Variants in DNAH5 observed in about 807,000 individuals in gnomAD.
The protein encoded by DNAH5 is axonemal beta dynein heavy chain 5.
Under a neutral mutation model 518.2 loss-of-function variants are expected in DNAH5, and 372 were observed. That is an observed-to-expected ratio of 0.72 (90% confidence interval 0.66 to 0.78). The LOEUF is 0.78. Ranked by LOEUF, DNAH5 falls within the 30% of genes least tolerant of loss-of-function variation. The pLI, the probability that DNAH5 is intolerant of heterozygous loss-of-function variation, is 0.00. For synonymous variants in DNAH5, 2,039 were observed against 2,025.9 expected (o/e 1.01, Z -0.17); for missense variants, 5,523 against 5,687.0 (o/e 0.97, Z 0.93).
intron 55 of DNAH5, among the ~76,000 whole-genome samples, chr5:13,773,476 G>A (rs1254419997): frequency 6.6e-6 from 1 of 152,106 alleles, no homozygotes; most frequent in Non-Finnish European, 1.5e-5. Flanking sequence ...TATATCCAAA[G>A]TTGAACTAGA....
At chr5:13,858,300 C>T (rs1288172214) in intron 30 of DNAH5, among the ~76,000 whole-genome samples, 1 of 152,114 alleles carries the variant, frequency 6.6e-6, no homozygotes, top group Non-Finnish European at 1.5e-5. Flanking sequence ...CCATCATTCT[C>T]AGAAAACTAG....
At chr5:13,862,260 A>T (rs1580639410) in intron 29 of DNAH5, among the ~76,000 whole-genome samples, 1 of 152,184 alleles carries the variant, frequency 6.6e-6, no homozygotes, top group African/African-American at 2.4e-5. Flanking sequence ...CCACAAATAG[A>T]GGATAATGAA....
chr5:13,782,984 G>A (rs1024361986), intron 52 of DNAH5, among the ~76,000 whole-genome samples: 2 of 152,200 alleles, frequency 1.3e-5, no homozygotes, highest in African/African-American at 4.8e-5. Flanking sequence ...ACAGGGGACA[G>A]AGGCTGGGGT....
chr5:13,721,526 C>T (rs577495596), intron 70 of DNAH5, among the ~76,000 whole-genome samples: 21 of 152,234 alleles, frequency 1.4e-4, no homozygotes, highest in African/African-American at 4.8e-4. Context: ...CTGCTTGCTT[C>T]CTGCTAGACC....
At chr5:13,704,284 C>G (rs1460739842) in intron 76 of DNAH5, among the ~76,000 whole-genome samples, 1 of 142,784 alleles carries the variant, frequency 7.0e-6, no homozygotes, top group Non-Finnish European at 1.5e-5. Context: ...GGACCACACA[C>G]TCTCTTCTGC....
At position 13,739,084 on chromosome 5, in the gene DNAH5, G is replaced by A. The variant is rs367561385; in HGVS notation, c.11212-1589C>T. ...GTTTGACAGTTCTGACTGGACTCAC[G>A]GCAGCTACCTGAACGTATGGTACCA... On this transcript the variant is annotated intron_variant, in intron 65 of 78. Coordinates refer to ENST00000265104, the MANE Select transcript of DNAH5 (RefSeq NM_001369.3). Among the ~76,000 whole-genome samples the A allele has an allele frequency of 2.4e-4, 37 of 152,104 alleles. No individual in the cohort carries two copies. In the East Asian group the frequency reaches 3.5e-3, roughly 14 times the overall value.
chr5:13,766,404 A>G (rs1238791246), intron 58 of DNAH5, among the ~76,000 whole-genome samples: 1 of 152,238 alleles, frequency 6.6e-6, no homozygotes, highest in Non-Finnish European at 1.5e-5. Flanking sequence ...AATGTTGGCG[A>G]GCAGATAAGG....
At chr5:13,876,926 T>A in intron 21 of DNAH5, 109 bp from the exon 22 acceptor site, 1 of 1,122,544 alleles carries the variant, frequency 8.9e-7, no homozygotes, top group Non-Finnish European at 1.3e-6. Context: ...GAAAATCTTC[T>A]CCTTTATAAA....
intron 57 of DNAH5, 26 bp downstream of exon 57, chr5:13,769,475 T>G (rs1275455725): frequency 5.8e-6 from 9 of 1,564,292 alleles, no homozygotes; most frequent in African/African-American, 1.4e-5. Flanking sequence ...AAAAGGAATG[T>G]GGCACATGTG....
At chr5:14,010,176 A>C (rs1209270537) in intron 1 of DNAH5, among the ~76,000 whole-genome samples, 1 of 152,144 alleles carries the variant, frequency 6.6e-6, no homozygotes, top group East Asian at 1.9e-4. Flanking sequence ...AATGTTTTCT[A>C]GTAACACTTG....
chr5:13,998,016 G>T (rs1394628936), intron 1 of DNAH5, among the ~76,000 whole-genome samples: 2 of 151,940 alleles, frequency 1.3e-5, no homozygotes, highest in Non-Finnish European at 2.9e-5. Context: ...GCTAATTTTT[G>T]TATCTTTAGT....
intron 1 of DNAH5, among the ~76,000 whole-genome samples, chr5:14,011,557 G>C (rs965753190): frequency 6.6e-6 from 1 of 152,108 alleles, no homozygotes; most frequent in Non-Finnish European, 1.5e-5. Context: ...CCAACCCCGC[G>C]AGCCAGGGAA....
In DNAH5 at chr5:13,769,142, T is replaced by A; in HGVS notation, c.9721-6A>T. On this transcript the variant is annotated splice_region_variant and splice_polypyrimidine_tract_variant and intron_variant, in intron 57 of 78. Transcript: ENST00000265104. ...ATTGTCACTTCTTTTAAGACCTAATTCAATATAAAGCAAGCAATACTTCAC... is the reference window on the plus strand; with the variant it reads ...ATTGTCACTTCTTTTAAGACCTAATACAATATAAAGCAAGCAATACTTCAC... 1.2e-6 allele frequency: 2 copies of A among 1,614,002 alleles called. No homozygotes were observed. Among genetic ancestry groups the A allele is most frequent in the Non-Finnish European group, 1.7e-6 (2 of 1,179,914 alleles).
chr5:13,771,257 G>T, intron 55 of DNAH5: 1 of 440,722 alleles, frequency 2.3e-6, no homozygotes, highest in Non-Finnish European at 4.2e-6. Context: ...CACAGCTGCA[G>T]GTTCTGGTCA....
Position 13,901,545 on chromosome 5 carries a change from C to A in DNAH5, c.1759G>T (p.Asp587Tyr). Residue 587 changes from aspartate (D) to tyrosine (Y), a missense_variant, in exon 14 of 79, where the codon GAC becomes TAC. This residue lies in a region of DNAH5 where 5,121 missense variants were observed against 5,223.3 expected (regional missense o/e 0.98). Coordinates refer to ENST00000265104, the MANE Select transcript of DNAH5 (RefSeq NM_001369.3). ...TTCTCAAGGATAAGTTGATATTTGT[C>A]ATCAATACCAAGATTAGGTATATTC... ...RLNIPNLGID[D>Y]KYQLILENYG... 1 of 1,612,984 alleles carries A rather than the reference C, an allele frequency of 6.2e-7. No individual in the cohort carries two copies. The highest frequency in any genetic ancestry group is 1.1e-5 in the South Asian group (1 of 91,022).
chr5:13,790,987 G>A (rs931739648), intron 50 of DNAH5, among the ~76,000 whole-genome samples: 2 of 152,030 alleles, frequency 1.3e-5, no homozygotes, highest in African/African-American at 4.8e-5. Flanking sequence ...TAATACCTGG[G>A]TGATGAAATA....
In DNAH5 at chr5:13,956,652, C is replaced by G. The variant is rs539785085; in HGVS notation, c.13-25408G>C. 6.6e-5 allele frequency among the ~76,000 whole-genome samples: 10 copies of G among 152,336 alleles called. No homozygotes were observed. The East Asian group carries it at 1.9e-3, about 29-fold the overall frequency. ...CCCCTAGTTAGACAGAAGAGAGAAA[C>G]TGCTTATCCTGCACTTCTACGTTCC... On this transcript the variant is annotated intron_variant, in intron 1 of 78. Coordinates refer to the DNAH5 transcript ENST00000681290.
chr5:13,955,150 G>C (rs1780674346), intron 1 of DNAH5, among the ~76,000 whole-genome samples: 2 of 152,122 alleles, frequency 1.3e-5, no homozygotes, highest in South Asian at 4.1e-4. Flanking sequence ...CCCAACTGCT[G>C]TCTCGCGATT....
In DNAH5 at chr5:13,885,188, AGAT is replaced by A. The variant is rs1487048952; in HGVS notation, c.2781_2783del (p.Ser928del). The A allele has an allele frequency of 4.3e-6, 7 of 1,614,096 alleles. No homozygotes were observed. The African/African-American group carries it at 8.0e-5, about 18-fold the overall frequency. The stretch of plus-strand genomic sequence containing the variant: ...GCAGGGCATTGGCCCTGGCATTAAT[AGAT>A]GATGTCAAGGTGTCAAAATTTCCTT... On this transcript the variant is annotated inframe_deletion, in exon 19 of 79. Transcript: ENST00000265104.
Sources: allele counts gnomAD v4.1 joint callset (sites outside exome capture counted in the v4.1 genomes callset), GRCh38; gene constraint gnomAD v4.1.1; regional missense constraint gnomAD v4.1.1; transcripts MANE v1.5; gene names NCBI Gene and HGNC (gene_info 2026-07-23, HGNC 2026-07-21).